The following HEPHL1 variants were observed in gnomAD, a reference collection of about 807,000 sequenced individuals.
HEPHL1 encodes the protein ferroxidase HEPHL1.
Under a neutral mutation model 122.0 loss-of-function variants are expected in HEPHL1, and 123 were observed. The ratio of observed to expected loss-of-function variants is 1.01; its 90% CI spans 0.87 to 1.17. The LOEUF (loss-of-function observed/expected upper bound fraction) is 1.17. Ranked by LOEUF, HEPHL1 falls within the 50% of genes most tolerant of loss-of-function variation. The pLI, the probability that HEPHL1 is intolerant of heterozygous loss-of-function variation, is 0.00. For missense variants in HEPHL1, 1,452 were observed against 1,430.5 expected, an observed-to-expected ratio of 1.01 and a Z score of -0.24; for synonymous variants, 527 against 508.9, an observed-to-expected ratio of 1.04 and a Z score of -0.48.
chr11:94,066,293 G>A (rs564811781), intron 4 of HEPHL1, among the ~76,000 whole-genome samples: 2 of 152,176 alleles, frequency 1.3e-5, no homozygotes, highest in Non-Finnish European at 1.5e-5. Flanking sequence ...TGTGGCACAC[G>A]CCTGTAATCC....
chr11:94,067,738 G>A lies in HEPHL1; in HGVS notation c.1051G>A (p.Asp351Asn), dbSNP rs770211234. Residue 351 changes from aspartate (D) to asparagine (N), a missense_variant, in exon 5 of 20, where the codon GAC (aspartate) becomes AAC (asparagine). Asp to Asn is a conservative substitution (Grantham distance 23). Transcript: ENST00000315765. ...GTGGATGATAACCTGCCAGGTCAGC[G>A]ACCACCTACAAGGTAAAAAGGATAA... ...GKWMITCQVS[D>N]HLQAGMLGQY... The A allele has an allele frequency of 5.3e-5, 85 of 1,613,348 alleles. No individual in the cohort carries two copies. The South Asian group carries it at 8.2e-4, about 16-fold the overall frequency.
chr11:94,106,132 T>G lies in HEPHL1; in HGVS notation c.3045+2T>G. 1.3e-6 allele frequency: 2 copies of G among 1,552,618 alleles called. No homozygotes were observed. The highest frequency in any genetic ancestry group is 1.8e-5 in the Admixed American group (1 of 55,788). On this transcript the variant is annotated splice_donor_variant, in intron 17 of 19. Transcript: ENST00000315765. LOFTEE classifies it high-confidence loss of function. ...CATGCTGAGAGCTTTCTTTTCAAAG[T>G]AAGTATAAGGAAAGTGCTTTGGGAA...
At chr11:94,085,348 T>G (rs1457696625) in intron 10 of HEPHL1, among the ~76,000 whole-genome samples, 1 of 152,228 alleles carries the variant, frequency 6.6e-6, no homozygotes, top group East Asian at 1.9e-4. Context: ...CCTCCAGTAA[T>G]TGTACTGGGG....
In HEPHL1 at chr11:94,079,262, G is replaced by T. The variant is rs139053926; in HGVS notation, c.1717-3156G>T. 3.3e-3 allele frequency among the ~76,000 whole-genome samples: 510 copies of T among 152,254 alleles called. 1 individual carries two copies. The highest frequency in any genetic ancestry group is 0.012 in the African/African-American group (489 of 41,552). Reference sequence around the variant, plus strand: ...AGGGCTTAGAGAGGATAAATCACTTGCTCCAGGCTTCACAGTGGGTGAACA... The same window carrying T: ...AGGGCTTAGAGAGGATAAATCACTTTCTCCAGGCTTCACAGTGGGTGAACA... On this transcript the variant is annotated intron_variant, in intron 9 of 19. Coordinates refer to ENST00000315765, the MANE Select transcript of HEPHL1 (RefSeq NM_001098672.2).
At chr11:94,073,227 C>A in intron 7 of HEPHL1, 63 bp downstream of exon 7, 1 of 1,607,678 alleles carries the variant, frequency 6.2e-7, no homozygotes, top group Non-Finnish European at 8.5e-7. Flanking sequence ...GCATGTACAT[C>A]TGCACAGAAT....
chr11:94,072,677 AG>A (rs1470865817), intron 6 of HEPHL1, among the ~76,000 whole-genome samples: 2 of 151,972 alleles, frequency 1.3e-5, no homozygotes, highest in Admixed American at 1.3e-4. Context: ...CAAGAGAGAG[AG>A]GGATGCTTAT....
chr11:94,065,472 T>C lies in HEPHL1; in HGVS notation c.808+962T>C, dbSNP rs111776975. On this transcript the variant is annotated intron_variant, in intron 4 of 19. Coordinates refer to ENST00000315765, the MANE Select transcript of HEPHL1 (RefSeq NM_001098672.2). Reference sequence around the variant, plus strand: ...TAAATGTAAATTTGGCTGTGTTTGATTCCTAGGCACATCAAGGCATGATTG... The same window carrying C: ...TAAATGTAAATTTGGCTGTGTTTGACTCCTAGGCACATCAAGGCATGATTG... Among the ~76,000 whole-genome samples the C allele has an allele frequency of 9.9e-3, 1,508 of 152,318 alleles. 22 individuals carry two copies. Among genetic ancestry groups the C allele is most frequent in the African/African-American group, 0.035 (1,443 of 41,566 alleles).
chr11:94,061,648 C>T (rs573646265), intron 2 of HEPHL1, among the ~76,000 whole-genome samples: 12 of 152,114 alleles, frequency 7.9e-5, no homozygotes, highest in Admixed American at 4.6e-4. Flanking sequence ...AGTGAGAAAG[C>T]GGCAAATACA....
chr11:94,069,693 A>G (rs377212523), intron 5 of HEPHL1, among the ~76,000 whole-genome samples: 1 of 152,120 alleles, frequency 6.6e-6, no homozygotes, highest in African/African-American at 2.4e-5. Context: ...TGCTTAATCA[A>G]TACTCTATTG....
chr11:94,063,842 G>C, intron 3 of HEPHL1, 122 bp downstream of exon 3: 1 of 768,210 alleles, frequency 1.3e-6, no homozygotes, highest in Non-Finnish European at 2.2e-6. Flanking sequence ...TAGAAATTCT[G>C]ACATGGAAGA....
chr11:94,086,164 A>T lies in HEPHL1; in HGVS notation c.2055A>T (p.Thr685=), dbSNP rs773894107. Residue 685 remains threonine, a synonymous_variant, in exon 11 of 20, where the codon ACA becomes ACT. Transcript: ENST00000315765. ...SLALFPHMAT[T]AFMQPDHAGI... ...CCCTGTTTCCCCACATGGCCACAAC[A>T]GCATTCATGCAGCCAGACCATGCAG... 1 of 1,612,104 alleles carries T rather than the reference A, an allele frequency of 6.2e-7. No individual in the cohort carries two copies. The highest frequency in any genetic ancestry group is 1.1e-5 in the South Asian group (1 of 90,580).
intron 14 of HEPHL1, among the ~76,000 whole-genome samples, chr11:94,102,580 G>A (rs1946376363): frequency 6.6e-6 from 1 of 152,220 alleles, no homozygotes; most frequent in African/African-American, 2.4e-5. Flanking sequence ...TGACAAAGAT[G>A]TGCTCAAGGA....
chr11:94,039,398 C>T (rs924959479), intron 1 of HEPHL1, among the ~76,000 whole-genome samples: 1 of 152,048 alleles, frequency 6.6e-6, no homozygotes, highest in African/African-American at 2.4e-5. Flanking sequence ...AACTCTCCAC[C>T]CCAAATCAAC....
At chr11:94,077,972 CACTT>C (rs953641371) in intron 9 of HEPHL1, among the ~76,000 whole-genome samples, 19 of 152,326 alleles carry the variant, frequency 1.2e-4, no homozygotes, top group African/African-American at 4.6e-4. Context: ...ATTTTACTAT[CACTT>C]ACCACCATAA....
In HEPHL1 at chr11:94,110,884, T is replaced by C; in HGVS notation, c.3046-19T>C. 1.9e-6 allele frequency: 3 copies of C among 1,601,686 alleles called. No individual in the cohort carries two copies. Among genetic ancestry groups the C allele is most frequent in the Non-Finnish European group, 2.6e-6 (3 of 1,172,330 alleles). ...GCAAAGAAGGCTACTAGCTGTTGTT[T>C]TTTAAAACGTTTTTGCAGATAGATA... is the stretch of plus-strand genomic sequence containing the variant. On this transcript the variant is annotated intron_variant, in intron 17 of 19. Coordinates refer to ENST00000315765, the MANE Select transcript of HEPHL1 (RefSeq NM_001098672.2).
intron 1 of HEPHL1, among the ~76,000 whole-genome samples, chr11:94,038,238 G>A (rs1050041915): frequency 1.3e-3 from 197 of 151,190 alleles, no homozygotes; most frequent in Non-Finnish European, 2.4e-3. Context: ...CCAAATTTAC[G>A]TCCGATTGGT....
chr11:94,042,752 C>T (rs954814060), intron 1 of HEPHL1, among the ~76,000 whole-genome samples: 1 of 145,230 alleles, frequency 6.9e-6, no homozygotes, highest in Non-Finnish European at 1.5e-5. Flanking sequence ...GTAGGGATAG[C>T]ATTGGGAGAT....
At chr11:94,039,707 G>C (rs1447769743) in intron 1 of HEPHL1, among the ~76,000 whole-genome samples, 3 of 150,902 alleles carry the variant, frequency 2.0e-5, no homozygotes, top group African/African-American at 7.3e-5. Flanking sequence ...GAATCTCTGG[G>C]ACACATTCAA....
In HEPHL1 at chr11:94,050,727, C is replaced by T. The variant is rs79657823; in HGVS notation, c.415+4810C>T. On this transcript the variant is annotated intron_variant, in intron 2 of 19. Transcript: ENST00000315765. Reference sequence around the variant, plus strand: ...CAATTAAATTATTTTTGACTATTGTCACCCTGTTGTGCTAGCAAATAATAG... The same window carrying T: ...CAATTAAATTATTTTTGACTATTGTTACCCTGTTGTGCTAGCAAATAATAG... Among the ~76,000 whole-genome samples the T allele has an allele frequency of 7.3e-3, 1,117 of 152,206 alleles. 8 individuals carry two copies. Among genetic ancestry groups the T allele is most frequent in the Non-Finnish European group, 0.011 (763 of 67,992 alleles).
Sources: gnomAD v4.1 joint callset for allele counts (sites outside exome capture counted in the v4.1 genomes callset) on GRCh38, gnomAD v4.1.1 for gene constraint, MANE v1.5 for transcripts, NCBI Gene and HGNC (gene_info 2026-07-23, HGNC 2026-07-21) for gene names.